Variants in DPP10 observed in about 807,000 individuals in gnomAD.
DPP10 encodes inactive dipeptidyl peptidase 10.
Under a neutral mutation model 120.9 loss-of-function variants are expected in DPP10, and 33 were observed. The ratio of observed to expected loss-of-function variants is 0.27; its 90% CI spans 0.21 to 0.37. The LOEUF is 0.37. Ranked by LOEUF, DPP10 falls within the 10% of genes least tolerant of loss-of-function variation. DPP10 has a pLI of 1.00. For synonymous variants in DPP10, 337 were observed against 326.1 expected (o/e 1.03, Z -0.36); for missense variants, 816 against 942.8 (o/e 0.87, Z 1.76).
chr2:115,785,326 G>C (rs1219750428), intron 17 of DPP10, among the ~76,000 whole-genome samples: 1 of 152,142 alleles, frequency 6.6e-6, no homozygotes, highest in Non-Finnish European at 1.5e-5. Context: ...CCAGGTTTTG[G>C]TATCAGAATC....
At chr2:115,621,594 G>T (rs1338918631) in intron 5 of DPP10, among the ~76,000 whole-genome samples, 1 of 152,130 alleles carries the variant, frequency 6.6e-6, no homozygotes, top group Non-Finnish European at 1.5e-5. Flanking sequence ...ACTCCGAGGT[G>T]TATTTTCAAT....
chr2:114,619,381 A>ATGTGTGTGTGTGTG (rs71998520), intron 1 of DPP10, among the ~76,000 whole-genome samples: 6 of 146,276 alleles, frequency 4.1e-5, no homozygotes, highest in African/African-American at 1.2e-4. Context: ...ATATATACAT[A>ATGTGTGTGTGTGTG]TGTGTGTGTG....
intron 1 of DPP10, among the ~76,000 whole-genome samples, chr2:114,790,478 G>A (rs917764539): frequency 6.6e-6 from 1 of 151,896 alleles, no homozygotes; most frequent in African/African-American, 2.4e-5. Flanking sequence ...CTTTTCATGC[G>A]CGTCCGTGTG....
intron 1 of DPP10, among the ~76,000 whole-genome samples, chr2:115,100,119 T>G (rs2048606569): frequency 6.6e-6 from 1 of 152,134 alleles, no homozygotes; most frequent in Non-Finnish European, 1.5e-5. Context: ...GTTGGTCTTC[T>G]GAAAAGATGA....
At chr2:115,706,383 C>T (rs2092105498) in intron 7 of DPP10, among the ~76,000 whole-genome samples, 1 of 151,830 alleles carries the variant, frequency 6.6e-6, no homozygotes, top group South Asian at 2.1e-4. Flanking sequence ...CTTGTTTCAT[C>T]CTGCTCATAA....
At chr2:114,960,366 G>GTGTA (rs1553461489) in intron 1 of DPP10, among the ~76,000 whole-genome samples, 1 of 143,786 alleles carries the variant, frequency 7.0e-6, no homozygotes, top group Admixed American at 7.0e-5. Context: ...GTGTATGTGC[G>GTGTA]TATATATATA....
At chr2:115,833,966 C>G (rs1164879871) in intron 21 of DPP10, among the ~76,000 whole-genome samples, 5 of 152,060 alleles carry the variant, frequency 3.3e-5, no homozygotes, top group Non-Finnish European at 5.9e-5. Context: ...ATTTACCTAC[C>G]TAAGGGAAAA....
intron 1 of DPP10, among the ~76,000 whole-genome samples, chr2:115,175,554 G>C (rs915944425): frequency 6.6e-6 from 1 of 152,186 alleles, no homozygotes; most frequent in Admixed American, 6.5e-5. Flanking sequence ...GAGTACTTCT[G>C]TGCAGTGTAA....
intron 1 of DPP10, among the ~76,000 whole-genome samples, chr2:115,093,739 T>A (rs961680476): frequency 6.6e-6 from 1 of 152,040 alleles, no homozygotes; most frequent in Non-Finnish European, 1.5e-5. Context: ...GACACACACA[T>A]AAACTTTAAG....
intron 1 of DPP10, among the ~76,000 whole-genome samples, chr2:115,155,318 T>C (rs555577393): frequency 1.4e-4 from 22 of 152,108 alleles, no homozygotes; most frequent in Middle Eastern, 3.4e-3. Flanking sequence ...GATGGGAAGG[T>C]TGTGAAAGGT....
At chr2:115,797,797 A>G (rs898498607) in intron 19 of DPP10, among the ~76,000 whole-genome samples, 13 of 152,008 alleles carry the variant, frequency 8.6e-5, no homozygotes, top group African/African-American at 2.7e-4. Flanking sequence ...TCTTACCACT[A>G]TTTAAAGTTG....
chr2:115,650,847 A>T (rs1045821580), intron 5 of DPP10, among the ~76,000 whole-genome samples: 1 of 152,012 alleles, frequency 6.6e-6, no homozygotes, highest in Non-Finnish European at 1.5e-5. Flanking sequence ...TGAAAAGAGG[A>T]GGCCCAGAGA....
At chr2:114,609,217 C>A (rs1210705123) in intron 1 of DPP10, among the ~76,000 whole-genome samples, 1 of 152,092 alleles carries the variant, frequency 6.6e-6, no homozygotes, top group African/African-American at 2.4e-5. Flanking sequence ...TGGCGGAGAC[C>A]TATTCATTGC....
chr2:114,723,405 A>C (rs936738563), intron 1 of DPP10, among the ~76,000 whole-genome samples: 2 of 152,236 alleles, frequency 1.3e-5, no homozygotes, highest in Non-Finnish European at 1.5e-5. Context: ...GATGTACAAC[A>C]GTTCCAAAGA....
chr2:115,840,852 T>C (rs1400232980), intron 25 of DPP10, 29 bp downstream of exon 25: 2 of 1,592,434 alleles, frequency 1.3e-6, no homozygotes, highest in Non-Finnish European at 1.7e-6. Context: ...AGAACGTGTT[T>C]TCCTGCTGTG....
At chr2:114,708,262 C>T (rs1700806508) in intron 1 of DPP10, among the ~76,000 whole-genome samples, 2 of 152,180 alleles carry the variant, frequency 1.3e-5, no homozygotes, top group South Asian at 4.1e-4. Flanking sequence ...ACACCAAAAG[C>T]AATCCACTAT....
rs572097772 is a variant in DPP10, at chr2:114,741,220, G to T, written c.60+298382G>T. On this transcript the variant is annotated intron_variant, in intron 1 of 25. Coordinates refer to ENST00000410059, the MANE Select transcript of DPP10 (RefSeq NM_020868.6). Reference sequence around the variant, plus strand: ...TCTACCAAAGCTACTTACCAGGCATGCATAACCTTTCTGTACCTTATCCCA... The same window carrying T: ...TCTACCAAAGCTACTTACCAGGCATTCATAACCTTTCTGTACCTTATCCCA... 2.0e-5 allele frequency among the ~76,000 whole-genome samples: 3 copies of T among 152,296 alleles called. No individual in the cohort carries two copies. In the East Asian group the frequency reaches 5.8e-4, roughly 29 times the overall value.
rs1701893059 is a variant in DPP10, at chr2:115,006,954, C to T, written c.61-302285C>T. 2.0e-5 allele frequency among the ~76,000 whole-genome samples: 3 copies of T among 152,030 alleles called. No homozygotes were observed. In the South Asian group the frequency reaches 6.2e-4, roughly 32 times the overall value. ...TACACCACACCTATTCCAAAACTGA[C>T]CACATACTTGGAAGTAAAGCTCTCC... On this transcript the variant is annotated intron_variant, in intron 1 of 25. Transcript: ENST00000410059.
intron 1 of DPP10, among the ~76,000 whole-genome samples, chr2:114,820,531 A>G (rs1685998976): frequency 6.6e-6 from 1 of 152,200 alleles, no homozygotes; most frequent in South Asian, 2.1e-4. Context: ...AGACAGGGTA[A>G]TTTATAAAGG....
Sources: allele counts gnomAD v4.1 joint callset (sites outside exome capture counted in the v4.1 genomes callset), GRCh38; gene constraint gnomAD v4.1.1; transcripts MANE v1.5; gene names NCBI Gene and HGNC (gene_info 2026-07-23, HGNC 2026-07-21).